Variants in JADE2 observed in about 807,000 individuals in gnomAD.
The protein encoded by JADE2 is jade family PHD finger 2, also known as E3 ubiquitin-protein ligase Jade-2.
A neutral mutation model predicts 85.7 loss-of-function variants in JADE2; 13 were observed. The ratio of observed to expected loss-of-function variants is 0.15; its 90% CI spans 0.10 to 0.24. The LOEUF (loss-of-function observed/expected upper bound fraction) is 0.24. Ranked by LOEUF, JADE2 falls within the 10% of genes least tolerant of loss-of-function variation. The pLI is 1.00. For synonymous variants in JADE2, 440 were observed against 456.1 expected (o/e 0.96, Z 0.45); for missense variants, 846 against 1,115.9 (o/e 0.76, Z 3.45).
intron 3 of JADE2, among the ~76,000 whole-genome samples, chr5:134,539,278 T>A (rs1002846991): frequency 2.6e-5 from 4 of 152,170 alleles, no homozygotes; most frequent in Non-Finnish European, 5.9e-5. Flanking sequence ...TTAGCCAGGA[T>A]GGTCTCGACC....
intron 10 of JADE2, chr5:134,574,966 G>A (rs1303472467): frequency 1.3e-5 from 2 of 152,276 alleles, no homozygotes; most frequent in East Asian, 3.8e-4. Flanking sequence ...TCAGGCACTT[G>A]GCTGTGGCCA....
In JADE2 at chr5:134,576,889, G is replaced by A; in HGVS notation, c.1674G>A (p.Gly558=). ...AGGCGGGGCCTGACTCAGTCCTGGG[G>A]CAGCTGGGTGAGTGAGGGCCATGCT... The part of the protein sequence containing the change: ...KVKAGPDSVL[G]QLAGLSTSFP... The change falls in exon 11 of 12, where the codon GGG becomes GGA. Residue 558 remains glycine, a synonymous_variant. Coordinates refer to ENST00000681547, the MANE Select transcript of JADE2 (RefSeq NM_001388185.1). 1 of 1,540,562 alleles carries A rather than the reference G, an allele frequency of 6.5e-7. No individual in the cohort carries two copies. Among genetic ancestry groups the A allele is most frequent in the Non-Finnish European group, 8.8e-7 (1 of 1,142,080 alleles).
intron 1 of JADE2, chr5:134,533,655 G>A (rs973672711): frequency 1.4e-5 from 11 of 814,742 alleles, no homozygotes; most frequent in African/African-American, 7.5e-5. Context: ...GCTGGGTTGC[G>A]CTGGGCTGGG....
intron 3 of JADE2, among the ~76,000 whole-genome samples, chr5:134,542,966 C>G (rs1341619374): frequency 6.6e-6 from 1 of 151,136 alleles, no homozygotes; most frequent in Non-Finnish European, 1.5e-5. Context: ...CTCCTGACCT[C>G]AAGTGATCTG....
intron 1 of JADE2, among the ~76,000 whole-genome samples, chr5:134,527,871 C>A (rs904279109): frequency 6.6e-6 from 1 of 152,190 alleles, no homozygotes; most frequent in Non-Finnish European, 1.5e-5. Flanking sequence ...GCCGAAGGCA[C>A]ACTGCGGCCG....
intron 3 of JADE2, among the ~76,000 whole-genome samples, chr5:134,542,637 T>G (rs1272877746): frequency 1.3e-5 from 2 of 152,074 alleles, no homozygotes; most frequent in East Asian, 3.9e-4. Flanking sequence ...AGACAGGGTT[T>G]CTCCACGTTG....
At chr5:134,545,854 A>G (rs1294875114) in intron 3 of JADE2, among the ~76,000 whole-genome samples, 2 of 152,248 alleles carry the variant, frequency 1.3e-5, no homozygotes, top group East Asian at 3.9e-4. Context: ...CTTTAAGTAC[A>G]GACCTTCAAA....
chr5:134,524,366 G>C (rs1760684568), upstream of JADE2: 4 of 152,526 alleles, frequency 2.6e-5, no homozygotes, highest in South Asian at 8.3e-4. Flanking sequence ...CCGCCCGCCT[G>C]GCGAGCGCAG....
chr5:134,538,418 G>A (rs61202798), intron 3 of JADE2, among the ~76,000 whole-genome samples: 6,897 of 152,234 alleles, frequency 0.045, 324 homozygotes, highest in South Asian at 0.23. Context: ...CTTAGAGCTG[G>A]GTGGTAGCAG....
At chr5:134,534,332 C>T (rs1321258963) in intron 1 of JADE2, among the ~76,000 whole-genome samples, 2 of 152,044 alleles carry the variant, frequency 1.3e-5, no homozygotes, top group Non-Finnish European at 2.9e-5. Flanking sequence ...CAGTCTTAGC[C>T]ATCCTTGTTC....
At chr5:134,526,536 C>G in intron 1 of JADE2, 1 of 985,368 alleles carries the variant, frequency 1.0e-6, no homozygotes, top group Non-Finnish European at 1.2e-6. Flanking sequence ...CGTCCGGGCG[C>G]CGAACCGGGC....
chr5:134,566,100 C>G lies in JADE2; in HGVS notation c.970-16C>G, dbSNP rs761918355. ...GGCTCCCTCCATGTCTGATCCTGCCCCTCCTTTCCCCTCAGTGTTCCATGC... is the reference window on the plus strand; with the variant it reads ...GGCTCCCTCCATGTCTGATCCTGCCGCTCCTTTCCCCTCAGTGTTCCATGC... On this transcript the variant is annotated splice_polypyrimidine_tract_variant and intron_variant, in intron 8 of 11. Transcript: ENST00000681547. This position sits in a 1 kb window ranked among gnomAD's most constrained non-coding sequence, Gnocchi z 6.7. The G allele has an allele frequency of 5.0e-6, 8 of 1,603,296 alleles. No homozygotes were observed. In the East Asian group the frequency reaches 1.8e-4, roughly 36 times the overall value.
intron 3 of JADE2, among the ~76,000 whole-genome samples, chr5:134,551,316 C>T (rs1356570692): frequency 2.0e-5 from 3 of 152,034 alleles, no homozygotes; most frequent in African/African-American, 7.2e-5. Context: ...GCAGGGTTAA[C>T]CTCCTGGGCT....
chr5:134,557,034 CACACCA>C (rs1762993004), intron 4 of JADE2, among the ~76,000 whole-genome samples: 1 of 110,626 alleles, frequency 9.0e-6, no homozygotes, highest in Non-Finnish European at 2.0e-5. Context: ...CACATACACA[CACACCA>C]CACACACACC....
intron 1 of JADE2, chr5:134,526,847 G>C: frequency 1.2e-6 from 1 of 804,216 alleles, no homozygotes. Context: ...CGGTAGTCCA[G>C]CTGGGGAGAG....
intron 9 of JADE2, among the ~76,000 whole-genome samples, chr5:134,568,480 A>C (rs1261562664): frequency 6.6e-6 from 1 of 152,138 alleles, no homozygotes; most frequent in African/African-American, 2.4e-5. Context: ...GTTCCGGGGA[A>C]TGAGAGCTGC....
chr5:134,570,390 C>G (rs1481428071), intron 9 of JADE2, among the ~76,000 whole-genome samples: 1 of 152,200 alleles, frequency 6.6e-6, no homozygotes, highest in Non-Finnish European at 1.5e-5. Flanking sequence ...TTTTCTTCAT[C>G]CCCTCTGCGG....
At chr5:134,576,729 G>A in intron 10 of JADE2, 39 bp from the exon 11 acceptor site, 2 of 1,550,100 alleles carry the variant, frequency 1.3e-6, no homozygotes, top group Non-Finnish European at 1.7e-6. Context: ...GCCACTCAGG[G>A]TAACCATCTC....
At chr5:134,538,371 G>A (rs1761737153) in intron 3 of JADE2, among the ~76,000 whole-genome samples, 1 of 152,202 alleles carries the variant, frequency 6.6e-6, no homozygotes, top group South Asian at 2.1e-4. Flanking sequence ...GTGAGAGAAG[G>A]GAGAGTTGCA....
Sources: gnomAD v4.1 joint callset for allele counts (sites outside exome capture counted in the v4.1 genomes callset) on GRCh38, gnomAD v4.1.1 for gene constraint, Gnocchi (gnomAD v3.1) non-coding constraint, MANE v1.5 for transcripts, NCBI Gene and HGNC (gene_info 2026-07-23, HGNC 2026-07-21) for gene names.